Variants in DNAH17 observed in about 807,000 individuals in gnomAD.
DNAH17 encodes dynein axonemal heavy chain 17.
DNAH17 carries 376 observed loss-of-function variants against 485.6 expected under a neutral mutation model. The ratio of observed to expected loss-of-function variants is 0.77; its 90% confidence interval spans 0.71 to 0.84. The LOEUF (loss-of-function observed/expected upper bound fraction) is 0.84, where lower values mean the gene tolerates loss of function less well. DNAH17 is among the 40% of genes least tolerant of loss of function. DNAH17 has a pLI of 0.00. For missense variants in DNAH17, 6,370 were observed against 5,839.3 expected, an observed-to-expected ratio of 1.09 and a Z score of -2.96; for synonymous variants, 3,031 against 2,405.9, an observed-to-expected ratio of 1.26 and a Z score of -7.60.
At position 78,526,182 on chromosome 17, in the gene DNAH17, C is replaced by CAGTGGGAACAG. The variant is rs142386123; in HGVS notation, c.3711+458_3711+468dup. On this transcript the variant is annotated intron_variant, in intron 24 of 80. Transcript: ENST00000389840. ...CACTGGACGTGACCATGAACTTGGACAGTGGGAACAGAGTGGGAACACGAG... is the reference window on the plus strand; with the variant it reads ...CACTGGACGTGACCATGAACTTGGACAGTGGGAACAGAGTGGGAACAGAGTGGGAACACGAG... Among the ~76,000 whole-genome samples the CAGTGGGAACAG allele has an allele frequency of 2.0e-3, 308 of 152,354 alleles. 5 individuals carry two copies. In the East Asian group the frequency reaches 0.023, roughly 12 times the overall value.
At position 78,459,912 on chromosome 17, in the gene DNAH17, C is replaced by G. The variant is rs1392024209; in HGVS notation, c.9525G>C (p.Gly3175=). ...AGCTCTTGTCCTTGGGGATCTTGCCCCCAGGTGCGGTCAGAATCATGACGG... is the reference window on the plus strand; with the variant it reads ...AGCTCTTGTCCTTGGGGATCTTGCCGCCAGGTGCGGTCAGAATCATGACGG... ...TAAVMILTAP[G]GKIPKDKSWK... Residue 3175 remains glycine, a synonymous_variant, in exon 60 of 81, where the codon GGG becomes GGC. Transcript: ENST00000389840. The G allele has an allele frequency of 6.2e-7, 1 of 1,614,014 alleles. No homozygotes were observed. The highest frequency in any genetic ancestry group is 1.7e-5 in the Admixed American group (1 of 60,030).
In DNAH17 at chr17:78,514,951, A is replaced by C; in HGVS notation, c.3936T>G (p.Asp1312Glu). 1 of 1,613,912 alleles carries C rather than the reference A, an allele frequency of 6.2e-7. No individual in the cohort carries two copies. The highest frequency in any genetic ancestry group is 1.6e-4 in the Middle Eastern group (1 of 6,062). The change falls in exon 26 of 81, where the codon GAT (aspartate) becomes GAG (glutamate). Residue 1312 changes from aspartate (D) to glutamate (E), a missense_variant. By Grantham distance (45) the Asp-to-Glu change is conservative. Coordinates refer to ENST00000389840, the MANE Select transcript of DNAH17 (RefSeq NM_173628.4). ...KDINVEQMDI[D>E]CKKFAKDMRS... ...TCATGTCCTTGGCAAACTTCTTACA[A>C]TCTATGTCCATCTGCTCAACGTTGA...
chr17:78,569,484 T>C lies in DNAH17; in HGVS notation c.1088A>G (p.Gln363Arg), dbSNP rs1189924208. Residue 363 changes from glutamine to arginine, a missense_variant, in exon 8 of 81, where the codon CAA becomes CGA. Transcript: ENST00000389840. Reference protein sequence around the residue: ...LSPEEVLKGLQGEIEEVLSGI... With the variant: ...LSPEEVLKGLRGEIEEVLSGI... Reference sequence around the variant, plus strand: ...ACTCAGGACTTCCTCGATTTCACCTTGCAGGCCCTTCAGCACCTCTTCCGG... The same window carrying C: ...ACTCAGGACTTCCTCGATTTCACCTCGCAGGCCCTTCAGCACCTCTTCCGG... 6.2e-7 allele frequency: 1 copy of C among 1,610,742 alleles called. No individual in the cohort carries two copies. Among genetic ancestry groups the C allele is most frequent in the Non-Finnish European group, 8.5e-7 (1 of 1,178,402 alleles).
chr17:78,464,518 C>T (rs2088315544), intron 56 of DNAH17, among the ~76,000 whole-genome samples: 1 of 152,216 alleles, frequency 6.6e-6, no homozygotes, highest in Non-Finnish European at 1.5e-5. Flanking sequence ...GCTTTGGCCC[C>T]CCAAAGTGCT....
chr17:78,541,451 G>A (rs983341573), intron 17 of DNAH17, among the ~76,000 whole-genome samples: 3 of 151,626 alleles, frequency 2.0e-5, no homozygotes, highest in African/African-American at 7.3e-5. Context: ...GTGCTATAGG[G>A]AAACTCAAAG....
intron 25 of DNAH17, among the ~76,000 whole-genome samples, chr17:78,523,277 C>T (rs558858649): frequency 9.9e-5 from 15 of 152,104 alleles, no homozygotes; most frequent in South Asian, 2.1e-4. Flanking sequence ...GCACCTGCCA[C>T]CATGCCCAAC....
intron 19 of DNAH17, 81 bp downstream of exon 19, chr17:78,537,218 C>G (rs527832830): frequency 7.1e-6 from 10 of 1,411,266 alleles, no homozygotes; most frequent in Middle Eastern, 3.6e-4. Flanking sequence ...AACGGCGAAG[C>G]CTTGCCGAGT....
intron 79 of DNAH17, among the ~76,000 whole-genome samples, chr17:78,425,965 G>A (rs1262494832): frequency 6.6e-6 from 1 of 152,094 alleles, no homozygotes; most frequent in African/African-American, 2.4e-5. Flanking sequence ...GTTTCGCCAT[G>A]TTGGCCAGGC....
In DNAH17 at chr17:78,502,985, C is replaced by T; in HGVS notation, c.4983G>A (p.Leu1661=). 1 of 1,613,838 alleles carries T rather than the reference C, an allele frequency of 6.2e-7. No homozygotes were observed. Among genetic ancestry groups the T allele is most frequent in the Non-Finnish European group, 8.5e-7 (1 of 1,179,848 alleles). ...GCCGGAGGGTAGAGCACATTCGGTCCAGCACTCGATTCAGCCACACTTCCA... is the reference window on the plus strand; with the variant it reads ...GCCGGAGGGTAGAGCACATTCGGTCTAGCACTCGATTCAGCCACACTTCCA... ...GQVEVWLNRV[L]DRMCSTLRHE... is the part of the protein sequence containing the mutation. Residue 1661 remains leucine (L), a synonymous_variant, in exon 32 of 81, where the codon CTG becomes CTA. Coordinates refer to ENST00000389840, the MANE Select transcript of DNAH17 (RefSeq NM_173628.4).
At chr17:78,460,502 A>C (rs368918994) in intron 58 of DNAH17, among the ~76,000 whole-genome samples, 1 of 152,260 alleles carries the variant, frequency 6.6e-6, no homozygotes, top group Non-Finnish European at 1.5e-5. Flanking sequence ...TCTGAGCTCC[A>C]TAAGAGAGGC....
chr17:78,530,441 C>T lies in DNAH17; in HGVS notation c.3186G>A (p.Leu1062=), dbSNP rs1299608146. Residue 1062 remains leucine (L), a synonymous_variant, in exon 21 of 81, where the codon CTG becomes CTA. Coordinates refer to ENST00000389840, the MANE Select transcript of DNAH17 (RefSeq NM_173628.4). The stretch of plus-strand genomic sequence containing the variant: ...GCTTGAAGGGGCGGCAGTCGCACTG[C>T]AGCCAGCCGTGGAACACCTTGGTGT... The part of the protein sequence containing the change: ...CENTKVFHGW[L]QCDCRPFKQA... 1.2e-6 allele frequency: 2 copies of T among 1,613,670 alleles called. No homozygotes were observed. The highest frequency in any genetic ancestry group is 8.5e-7 in the Non-Finnish European group (1 of 1,179,764).
chr17:78,436,358 G>A (rs1598444951), intron 74 of DNAH17, among the ~76,000 whole-genome samples: 1 of 152,014 alleles, frequency 6.6e-6, no homozygotes, highest in Non-Finnish European at 1.5e-5. Flanking sequence ...AACCCAGGAG[G>A]CAGAGGTGGC....
chr17:78,456,392 G>A (rs2087803652), intron 62 of DNAH17, among the ~76,000 whole-genome samples: 1 of 147,622 alleles, frequency 6.8e-6, no homozygotes, highest in Non-Finnish European at 1.5e-5. Context: ...CACCCGCATT[G>A]ACACCCAAGT....
intron 34 of DNAH17, 153 bp downstream of exon 34, chr17:78,501,589 T>C: frequency 8.6e-7 from 1 of 1,168,542 alleles, no homozygotes; most frequent in Admixed American, 2.4e-5. Flanking sequence ...CAGGGGTGAG[T>C]CCGGGCAAGG....
Position 78,450,327 on chromosome 17 carries a change from T to C in DNAH17, c.10967A>G (p.Glu3656Gly), listed in dbSNP as rs1431935871. The stretch of plus-strand genomic sequence containing the variant: ...TATGAAGTAGAGCAGAGATGCCCTC[T>C]CCGCAGCCGGGCGGTAGTTCTCTCT... Reference protein sequence around the residue: ...EARENYRPAAERASLLYFILN... With the variant: ...EARENYRPAAGRASLLYFILN... Residue 3656 changes from glutamate (E) to glycine (G), a missense_variant, in exon 68 of 81, where the codon GAG (glutamate) becomes GGG (glycine). Physicochemically the swap from Glu to Gly is moderately conservative, Grantham distance 98 (BLOSUM62 -2). Coordinates refer to ENST00000389840, the MANE Select transcript of DNAH17 (RefSeq NM_173628.4). 1 of 1,614,024 alleles carries C rather than the reference T, an allele frequency of 6.2e-7. No individual in the cohort carries two copies. The highest frequency in any genetic ancestry group is 8.5e-7 in the Non-Finnish European group (1 of 1,179,880).
chr17:78,479,213 T>G (rs955672280), intron 50 of DNAH17, 97 bp from the exon 51 acceptor site: 12 of 1,256,732 alleles, frequency 9.5e-6, no homozygotes, highest in Non-Finnish European at 1.4e-5. Context: ...TACGAAATGG[T>G]GACAACTGGA....
intron 51 of DNAH17, among the ~76,000 whole-genome samples, chr17:78,478,551 C>A (rs1484730005): frequency 1.3e-5 from 2 of 150,900 alleles, no homozygotes; most frequent in Non-Finnish European, 3.0e-5. Context: ...ACCATCATGA[C>A]AATCACCATC....
intron 47 of DNAH17, 98 bp downstream of exon 47, chr17:78,485,452 G>T: frequency 2.5e-6 from 3 of 1,177,454 alleles, no homozygotes; most frequent in Non-Finnish European, 2.4e-6. Context: ...GTGCAAAGTG[G>T]CTAGTGAGTG....
chr17:78,445,473 T>C, intron 70 of DNAH17, 85 bp downstream of exon 70: 2 of 1,496,858 alleles, frequency 1.3e-6, no homozygotes, highest in Non-Finnish European at 1.8e-6. Flanking sequence ...CCTGGTATTC[T>C]GGCCTTGGAA....
Sources: gnomAD v4.1 joint callset for allele counts (sites outside exome capture counted in the v4.1 genomes callset) on GRCh38, gnomAD v4.1.1 for gene constraint, MANE v1.5 for transcripts, NCBI Gene and HGNC (gene_info 2026-07-23, HGNC 2026-07-21) for gene names.